CAPN5: variants seen among roughly 807,000 people sequenced by gnomAD.
The protein encoded by CAPN5 is calpain 5, also known as calpain-5.
Under a neutral mutation model 73.0 loss-of-function variants are expected in CAPN5, and 54 were observed. That is an observed-to-expected ratio of 0.74 (90% CI 0.59 to 0.93). The LOEUF (loss-of-function observed/expected upper bound fraction) is 0.93, where lower values mean the gene tolerates loss of function less well. Ranked by LOEUF, CAPN5 falls within the 40% of genes least tolerant of loss-of-function variation. The pLI is 0.00. For missense variants in CAPN5, 785 were observed against 882.9 expected, an observed-to-expected ratio of 0.89 and a Z score of 1.41; for synonymous variants, 335 against 356.9, an observed-to-expected ratio of 0.94 and a Z score of 0.69.
intron 3 of CAPN5, among the ~76,000 whole-genome samples, chr11:77,098,281 A>AC (rs1202400254): frequency 2.9e-5 from 2 of 68,580 alleles, no homozygotes; most frequent in East Asian, 1.1e-3. Flanking sequence ...CGGGGGGCTG[A>AC]CCCCCCCACC....
intron 1 of CAPN5, among the ~76,000 whole-genome samples, chr11:77,082,324 C>T (rs1230562552): frequency 2.6e-5 from 4 of 152,178 alleles, no homozygotes; most frequent in African/African-American, 9.7e-5. Flanking sequence ...AGGGGTCCTG[C>T]TCGGCCCAAA....
rs1949849556 is a variant in CAPN5 at position 77,067,104 on chromosome 11, GGGC to G, written c.-36+13_-36+15del. 6.6e-6 allele frequency: 1 copy of G among 151,504 alleles called. No individual in the cohort carries two copies. Among genetic ancestry groups the G allele is most frequent in the African/African-American group, 2.4e-5 (1 of 41,116 alleles). 9.4% of individuals were successfully genotyped at this position (151,504 alleles called of 1,614,324 possible). ...CGCGGCGGCTCGGCCGGTAGGAGGC[GGGC>G]GGAGGGAGGCGTGTGCTTCTGTGTG... is the stretch of plus-strand genomic sequence containing the variant. On this transcript the variant is annotated intron_variant, in intron 1 of 12. Coordinates refer to ENST00000648180, the MANE Select transcript of CAPN5 (RefSeq NM_004055.5).
In CAPN5 at chr11:77,120,743, A is replaced by G. The variant is rs961263528; in HGVS notation, c.1321A>G (p.Ser441Gly). The G allele has an allele frequency of 2.5e-6, 4 of 1,612,960 alleles. No individual in the cohort carries two copies. Among genetic ancestry groups the G allele is most frequent in the Non-Finnish European group, 3.4e-6 (4 of 1,179,620 alleles). ...VEENRQYRMH[S>G]LQHKAASSIY... ...GGAGAACCGCCAGTACCGCATGCAC[A>G]GCCTGCAGCACAAGGCCGCCAGCTC... Residue 441 changes from serine (S) to glycine (G), a missense_variant, in exon 10 of 13, where the codon AGC (serine) becomes GGC (glycine). Transcript: ENST00000648180.
chr11:77,073,805 C>T (rs916949645), intron 1 of CAPN5, among the ~76,000 whole-genome samples: 2 of 152,182 alleles, frequency 1.3e-5, no homozygotes, highest in African/African-American at 2.4e-5. Flanking sequence ...GGTGCCAGCT[C>T]GCCTGGTGGT....
intron 3 of CAPN5, among the ~76,000 whole-genome samples, chr11:77,110,094 C>T (rs561869449): frequency 9.2e-5 from 14 of 151,984 alleles, no homozygotes; most frequent in African/African-American, 2.9e-4. Flanking sequence ...GGAATGGTAA[C>T]CCTCACCTTG....
intron 3 of CAPN5, among the ~76,000 whole-genome samples, chr11:77,101,151 G>A (rs1348784007): frequency 1.3e-5 from 2 of 152,148 alleles, no homozygotes; most frequent in East Asian, 3.8e-4. Flanking sequence ...TCATTCATTC[G>A]ATCATTCGTT....
At chr11:77,096,475 T>C (rs1555037496) in intron 3 of CAPN5, among the ~76,000 whole-genome samples, 2 of 152,190 alleles carry the variant, frequency 1.3e-5, no homozygotes, top group Non-Finnish European at 2.9e-5. Flanking sequence ...CAGCCCCCTC[T>C]TAGATGGCCC....
At chr11:77,091,816 T>C (rs1025092437) in intron 2 of CAPN5, among the ~76,000 whole-genome samples, 18 of 152,170 alleles carry the variant, frequency 1.2e-4, no homozygotes, top group African/African-American at 2.2e-4. Context: ...GAGCCACCCA[T>C]AGAGGTCTGG....
At chr11:77,103,025 G>T (rs781809682) in intron 3 of CAPN5, 17 of 1,613,470 alleles carry the variant, frequency 1.1e-5, no homozygotes, top group Admixed American at 3.3e-5. Flanking sequence ...AGCAGCAGCG[G>T]CTACAGTTCG....
At chr11:77,096,984 A>C (rs1022795326) in intron 3 of CAPN5, among the ~76,000 whole-genome samples, 23 of 152,100 alleles carry the variant, frequency 1.5e-4, no homozygotes, top group Non-Finnish European at 1.5e-5. Flanking sequence ...GCACTTTGGG[A>C]GGCTGAGGTG....
chr11:77,105,613 G>A (rs1950337807), intron 3 of CAPN5, among the ~76,000 whole-genome samples: 1 of 152,206 alleles, frequency 6.6e-6, no homozygotes, highest in Non-Finnish European at 1.5e-5. Context: ...GGTTTAGTCT[G>A]GCTTCTGTCA....
Position 77,084,964 on chromosome 11 carries a change from C to A in CAPN5, c.78C>A (p.Leu26=). The A allele has an allele frequency of 6.2e-7, 1 of 1,613,630 alleles. No homozygotes were observed. The highest frequency in any genetic ancestry group is 8.5e-7 in the Non-Finnish European group (1 of 1,180,016). The change falls in exon 2 of 13, where the codon CTC becomes CTA. Residue 26 remains leucine (L), a synonymous_variant. Transcript: ENST00000648180. ...LRRDCRRRKV[L]FEDPLFPATD... is the part of the protein sequence containing the mutation. The stretch of plus-strand genomic sequence containing the variant: ...GGGACTGCCGGCGCAGGAAGGTGCT[C>A]TTCGAGGACCCCCTCTTCCCCGCCA...
intron 1 of CAPN5, among the ~76,000 whole-genome samples, chr11:77,071,403 G>A (rs573289565): frequency 6.6e-6 from 1 of 152,328 alleles, no homozygotes; most frequent in East Asian, 1.9e-4. Flanking sequence ...TCAGGGTGGA[G>A]TGCAGCTCAT....
Position 77,114,398 on chromosome 11 carries a change from G to T in CAPN5, c.663G>T (p.Val221=). 6.2e-7 allele frequency: 1 copy of T among 1,614,210 alleles called. No individual in the cohort carries two copies. The highest frequency in any genetic ancestry group is 8.5e-7 in the Non-Finnish European group (1 of 1,180,036). ...AGCTCTTTGAGCGCATGTTAAAGGT[G>T]CACAGCCGGGGCGGCCTCATCAGTG... The part of the protein sequence containing the change: ...RNQLFERMLK[V]HSRGGLISAS... The change falls in exon 5 of 13, where the codon GTG becomes GTT. Residue 221 remains valine (V), a synonymous_variant. Transcript: ENST00000648180.
Position 77,125,639 on chromosome 11 carries a change from T to TATAC in CAPN5, c.*1770_*1771insTACA, listed in dbSNP as rs1459199941. The TATAC allele has an allele frequency of 2.7e-5, 4 of 149,796 alleles. No individual in the cohort carries two copies. Among genetic ancestry groups the TATAC allele is most frequent in the Admixed American group, 6.6e-5 (1 of 15,060 alleles). 9.3% of individuals were successfully genotyped at this position (149,796 alleles called of 1,614,324 possible). A position where few individuals can be genotyped will look rare whatever the true frequency, so the allele number is the denominator to read the frequency against. ...CTATATATATATATATATATATATA[T>TATAC]ACATTCATGTAATCACCACTTCTCG... On this transcript the variant is annotated 3_prime_UTR_variant, in exon 13 of 13. Coordinates refer to ENST00000648180, the MANE Select transcript of CAPN5 (RefSeq NM_004055.5).
At position 77,120,705 on chromosome 11, in the gene CAPN5, T is replaced by A. The variant is rs782588026; in HGVS notation, c.1291-8T>A. Reference sequence around the variant, plus strand: ...TCCGCGTGGCCCAGCCCCTCCCGCCTCCTGCAGGTGGAGGAGAACCGCCAG... The same window carrying A: ...TCCGCGTGGCCCAGCCCCTCCCGCCACCTGCAGGTGGAGGAGAACCGCCAG... On this transcript the variant is annotated splice_polypyrimidine_tract_variant and splice_region_variant and intron_variant, in intron 9 of 12. Coordinates refer to ENST00000648180, the MANE Select transcript of CAPN5 (RefSeq NM_004055.5). 3.8e-6 allele frequency: 6 copies of A among 1,596,606 alleles called. No homozygotes were observed. The East Asian group carries it at 6.7e-5, about 18-fold the overall frequency.
intron 3 of CAPN5, among the ~76,000 whole-genome samples, chr11:77,110,271 T>C (rs1555040570): frequency 6.6e-6 from 1 of 152,154 alleles, no homozygotes. Context: ...TATTCTTTTT[T>C]AGTAGAGACA....
rs566394559 is a variant in CAPN5, at chr11:77,083,367, G to A, written c.-35-1485G>A. Among the ~76,000 whole-genome samples, 9 of 152,198 alleles carry A rather than the reference G, an allele frequency of 5.9e-5. No homozygotes were observed. In the East Asian group the frequency reaches 1.4e-3, roughly 23 times the overall value. ...CCTTCCCTCTTTCCCTCCACATGAG[G>A]CCCCAGTGAGGCTCCAGCTCAGCCA... On this transcript the variant is annotated intron_variant, in intron 1 of 12. Coordinates refer to ENST00000648180, the MANE Select transcript of CAPN5 (RefSeq NM_004055.5).
chr11:77,095,675 T>C (rs1950201530), intron 3 of CAPN5, among the ~76,000 whole-genome samples: 1 of 152,186 alleles, frequency 6.6e-6, no homozygotes, highest in Non-Finnish European at 1.5e-5. Flanking sequence ...GGAGAGGCCA[T>C]CTGTCTGGCC....
Sources: allele counts gnomAD v4.1 joint callset (sites outside exome capture counted in the v4.1 genomes callset), GRCh38; gene constraint gnomAD v4.1.1; transcripts MANE v1.5; gene names NCBI Gene and HGNC (gene_info 2026-07-23, HGNC 2026-07-21).